CASP8: variants seen among roughly 807,000 people sequenced by gnomAD.
CASP8 encodes caspase 8.
A neutral mutation model predicts 46.3 loss-of-function variants in CASP8; 24 were observed. That is an observed-to-expected ratio of 0.52 (90% CI 0.38 to 0.73). CASP8 has a LOEUF of 0.73. CASP8 is among the 30% of genes least tolerant of loss of function. CASP8 has a pLI of 0.00. For missense variants in CASP8, 460 were observed against 559.0 expected, an observed-to-expected ratio of 0.82 and a Z score of 1.79; for synonymous variants, 188 against 200.4, an observed-to-expected ratio of 0.94 and a Z score of 0.52.
intron 2 of CASP8, among the ~76,000 whole-genome samples, chr2:201,248,744 G>A (rs747267196): frequency 3.2e-4 from 49 of 152,132 alleles, no homozygotes; most frequent in South Asian, 6.2e-4. Flanking sequence ...TCTCTTAATG[G>A]TATCATTTTT....
chr2:201,282,559 C>A (rs1441530970), intron 7 of CASP8, among the ~76,000 whole-genome samples: 2 of 105,016 alleles, frequency 1.9e-5, no homozygotes, highest in Non-Finnish European at 4.6e-5. Context: ...GCTGGCCGGG[C>A]GGGGGGCTGA....
chr2:201,265,456 T>C, intron 1 of CASP8, among the ~76,000 whole-genome samples: 1 of 151,970 alleles, frequency 6.6e-6, no homozygotes, highest in Non-Finnish European at 1.5e-5. Context: ...TGCAAAGACA[T>C]ACAGAGGGAT....
intron 7 of CASP8, among the ~76,000 whole-genome samples, chr2:201,283,169 C>T (rs1243286219): frequency 1.2e-4 from 8 of 65,592 alleles, no homozygotes; most frequent in African/African-American, 4.1e-4. Flanking sequence ...TAGGGGCGGC[C>T]GGGCAGAGGC....
chr2:201,286,534 GA>G lies in CASP8; in HGVS notation c.1383del (p.Lys461AsnfsTer10). 6.2e-7 allele frequency: 1 copy of G among 1,613,966 alleles called. No homozygotes were observed. The highest frequency in any genetic ancestry group is 8.5e-7 in the Non-Finnish European group (1 of 1,179,844). ...SNKDDKKNMG[K>X]QMPQPTFTLR... ...ACAAGGATGACAAGAAAAACATGGG[GA>G]AACAGATGCCTCAGCCTACTTTCAC... On this transcript the variant is annotated frameshift_variant, in exon 9 of 9. Coordinates refer to ENST00000673742, the MANE Select transcript of CASP8 (RefSeq NM_001372051.1). LOFTEE classifies it high-confidence loss of function.
intron 7 of CASP8, among the ~76,000 whole-genome samples, chr2:201,283,726 C>CTGG (rs1264140561): frequency 7.5e-5 from 6 of 79,498 alleles, no homozygotes; most frequent in Admixed American, 2.9e-4. Context: ...GGGCGGCTGG[C>CTGG]CGGGCAGAGG....
At chr2:201,255,343 G>T (rs1946967093) in intron 2 of CASP8, among the ~76,000 whole-genome samples, 4 of 152,186 alleles carry the variant, frequency 2.6e-5, no homozygotes, top group Admixed American at 1.3e-4. Context: ...CTCTTCAAGC[G>T]CTGGGATTAC....
intron 2 of CASP8, among the ~76,000 whole-genome samples, chr2:201,236,074 A>G (rs1012625391): frequency 6.6e-6 from 1 of 152,216 alleles, no homozygotes; most frequent in Non-Finnish European, 1.5e-5. Context: ...CCTGTCATTA[A>G]GTGACGTATG....
intron 2 of CASP8, among the ~76,000 whole-genome samples, chr2:201,237,904 A>C (rs141698434): frequency 2.5e-4 from 38 of 152,344 alleles, no homozygotes; most frequent in African/African-American, 8.7e-4. Flanking sequence ...CTAGGGGAAA[A>C]ATGGGAAGTG....
chr2:201,282,967 C>T (rs1167751931), intron 7 of CASP8, among the ~76,000 whole-genome samples: 6 of 70,568 alleles, frequency 8.5e-5, no homozygotes, highest in African/African-American at 2.6e-4. Context: ...ACCTCCCTCC[C>T]GGACGGGGCG....
chr2:201,234,005 C>T (rs574174314), intron 1 of CASP8: 1 of 152,490 alleles, frequency 6.6e-6, no homozygotes, highest in East Asian at 1.9e-4. Context: ...GTCATCTCTC[C>T]TTCCTTCCAG....
chr2:201,279,471 A>C (rs550916020), intron 7 of CASP8, among the ~76,000 whole-genome samples: 4 of 152,382 alleles, frequency 2.6e-5, no homozygotes, highest in African/African-American at 9.6e-5. Context: ...GCTAAAATAC[A>C]TACAGATAAT....
At chr2:201,246,748 A>T (rs1403025487) in intron 2 of CASP8, among the ~76,000 whole-genome samples, 1 of 152,172 alleles carries the variant, frequency 6.6e-6, no homozygotes, top group Non-Finnish European at 1.5e-5. Context: ...CACTTTGCTA[A>T]GAGTCTGTTC....
At chr2:201,241,193 A>G (rs754902362) in intron 2 of CASP8, 1 of 152,196 alleles carries the variant, frequency 6.6e-6, no homozygotes, top group Non-Finnish European at 1.5e-5. Context: ...CAAAGATTAG[A>G]GTAGGAACCA....
Position 201,272,673 on chromosome 2 carries a change from G to A in CASP8, c.447G>A (p.Arg149=), listed in dbSNP as rs2125254889. ...ATATTTTCATAGAGATGGAGAAGAG[G>A]GTCATCCTGGGAGAAGGAAAGTTGG... ...LLDIFIEMEK[R]VILGEGKLDI... Residue 149 remains arginine, a synonymous_variant, in exon 4 of 9, where the codon AGG becomes AGA. Transcript: ENST00000673742. The surrounding 1 kb of genome is among the most constrained non-coding windows in gnomAD (Gnocchi z 4.4). The A allele has an allele frequency of 1.2e-6, 2 of 1,614,080 alleles. No homozygotes were observed. Among genetic ancestry groups the A allele is most frequent in the Non-Finnish European group, 1.7e-6 (2 of 1,179,964 alleles).
intron 2 of CASP8, among the ~76,000 whole-genome samples, chr2:201,236,305 A>C (rs560978014): frequency 1.3e-5 from 2 of 152,302 alleles, no homozygotes; most frequent in East Asian, 3.9e-4. Flanking sequence ...TCAATACTAC[A>C]TAATTTCCTT....
intron 6 of CASP8, among the ~76,000 whole-genome samples, chr2:201,276,216 A>G (rs1948620373): frequency 6.6e-6 from 1 of 152,158 alleles, no homozygotes; most frequent in Non-Finnish European, 1.5e-5. Flanking sequence ...TACAGTTTGG[A>G]TACCATAACC....
chr2:201,238,690 G>A lies in CASP8; in HGVS notation c.-27+4578G>A, dbSNP rs141823848. The stretch of plus-strand genomic sequence containing the variant: ...ACTCCTGGCCTCAAGTAATCTGCCC[G>A]CTTTGGGCTTCAAAAGTGCTAGGAT... On this transcript the variant is annotated intron_variant, in intron 2 of 6. Coordinates refer to the CASP8 transcript ENST00000264274. Among the ~76,000 whole-genome samples, 1,364 of 152,230 alleles carry A rather than the reference G, an allele frequency of 9.0e-3. 18 individuals are homozygous for A. Among genetic ancestry groups the A allele is most frequent in the African/African-American group, 0.031 (1,292 of 41,560 alleles).
At chr2:201,245,977 C>T (rs1370724758) in intron 2 of CASP8, among the ~76,000 whole-genome samples, 1 of 149,854 alleles carries the variant, frequency 6.7e-6, no homozygotes, top group Non-Finnish European at 1.5e-5. Context: ...AAGCAATTCT[C>T]CTGCCTCAGC....
chr2:201,258,513 G>T (rs1947151113), upstream of CASP8: 1 of 1,048,036 alleles, frequency 9.5e-7, no homozygotes, highest in African/African-American at 1.6e-5. Flanking sequence ...ACACCTCTGG[G>T]TGCTGCCTGG....
Sources: gnomAD v4.1 joint callset for allele counts (sites outside exome capture counted in the v4.1 genomes callset) on GRCh38, gnomAD v4.1.1 for gene constraint, Gnocchi (gnomAD v3.1) non-coding constraint, MANE v1.5 for transcripts, NCBI Gene and HGNC (gene_info 2026-07-23, HGNC 2026-07-21) for gene names.